The following PCLO variants were observed in gnomAD, a reference collection of about 807,000 sequenced individuals.
PCLO encodes piccolo presynaptic cytomatrix protein.
PCLO carries 82 observed loss-of-function variants against 427.5 expected under a neutral mutation model. The ratio of observed to expected loss-of-function variants is 0.19; its 90% confidence interval spans 0.16 to 0.23. The LOEUF (loss-of-function observed/expected upper bound fraction) is 0.23. Ranked by LOEUF, PCLO falls within the 10% of genes least tolerant of loss-of-function variation. The pLI, the probability that PCLO is intolerant of heterozygous loss-of-function variation, is 1.00. For synonymous variants in PCLO, 2,357 were observed against 2,155.4 expected (o/e 1.09, Z -2.59); for missense variants, 6,239 against 6,115.9 (o/e 1.02, Z -0.67).
intron 4 of PCLO, among the ~76,000 whole-genome samples, chr7:82,958,441 T>A (rs1584221906): frequency 2.6e-5 from 4 of 151,424 alleles, no homozygotes; most frequent in Admixed American, 6.6e-5. Context: ...CAAATATAAA[T>A]ATTGTTGGCT....
Position 82,955,878 on chromosome 7 carries a change from T to C in PCLO, c.5075A>G (p.Tyr1692Cys). 3.1e-6 allele frequency: 5 copies of C among 1,613,928 alleles called. No individual in the cohort carries two copies. The highest frequency in any genetic ancestry group is 4.2e-6 in the Non-Finnish European group (5 of 1,179,832). Residue 1692 changes from tyrosine (Y) to cysteine (C), a missense_variant, in exon 5 of 25, where the codon TAT becomes TGT. Tyr to Cys is a radical substitution (Grantham distance 194). Around this residue, in one of 5 missense-constraint regions of PCLO, gnomAD observed 4,677 missense variants for 4,468.4 expected, o/e 1.05. Transcript: ENST00000333891. ...TTCCAATTCTGGCTCTTCGTCAAAA[T>C]ACAAACTTGTTTTTTTCTGTGATGA... The part of the protein sequence containing the change: ...AESSQKKTSL[Y>C]FDEEPELEME...
At chr7:82,777,611 G>T (rs952766354) in intron 22 of PCLO, among the ~76,000 whole-genome samples, 1 of 152,066 alleles carries the variant, frequency 6.6e-6, no homozygotes, top group African/African-American at 2.4e-5. Context: ...ACAACTATCT[G>T]ATCTTTGGCA....
intron 22 of PCLO, among the ~76,000 whole-genome samples, chr7:82,787,751 G>A (rs879850925): frequency 3.3e-5 from 5 of 151,746 alleles, no homozygotes; most frequent in Admixed American, 6.6e-5. Flanking sequence ...ATAAACTCAC[G>A]GCTGACTATT....
intron 9 of PCLO, among the ~76,000 whole-genome samples, chr7:82,891,872 G>T (rs1380477999): frequency 6.6e-6 from 1 of 152,012 alleles, no homozygotes; most frequent in Non-Finnish European, 1.5e-5. Flanking sequence ...GGATGTGAAG[G>T]ACCTCTTCAA....
At position 82,914,670 on chromosome 7, in the gene PCLO, T is replaced by A. The variant is rs74356794; in HGVS notation, c.13300+16A>T. The A allele has an allele frequency of 6.2e-7, 1 of 1,611,666 alleles. No individual in the cohort carries two copies. The highest frequency in any genetic ancestry group is 1.3e-5 in the African/African-American group (1 of 74,990). On this transcript the variant is annotated intron_variant, in intron 7 of 24. Coordinates refer to ENST00000333891, the MANE Select transcript of PCLO (RefSeq NM_033026.6). The stretch of plus-strand genomic sequence containing the variant: ...TGAGTTTTGAGAGTAACAGGGTAGT[T>A]TGAGGCCCAATTTACCTTCACTGTC...
At chr7:82,786,687 C>T (rs1188612640) in intron 22 of PCLO, among the ~76,000 whole-genome samples, 3 of 152,092 alleles carry the variant, frequency 2.0e-5, no homozygotes, top group African/African-American at 4.8e-5. Context: ...GTTTGCTGCA[C>T]TCATCAACCT....
chr7:82,856,504 G>T (rs930931367), intron 10 of PCLO, among the ~76,000 whole-genome samples: 4 of 152,062 alleles, frequency 2.6e-5, no homozygotes, highest in African/African-American at 9.7e-5. Flanking sequence ...CATTCTATGT[G>T]TTATTTGGAA....
chr7:82,969,506 G>A (rs1795855096), intron 3 of PCLO, among the ~76,000 whole-genome samples: 3 of 151,932 alleles, frequency 2.0e-5, no homozygotes, highest in Admixed American at 2.0e-4. Flanking sequence ...ACATAATGTT[G>A]CTATACCCAG....
Position 82,756,396 on chromosome 7 carries a change from C to A in PCLO, c.*2179G>T, listed in dbSNP as rs954505062. ...TAGCAATATAATGTCTTTGATGATT[C>A]CACTCTCCCATGCTCATTTGAGAGC... On this transcript the variant is annotated 3_prime_UTR_variant, in exon 25 of 25. Transcript: ENST00000333891. The A allele has an allele frequency of 5.9e-5, 9 of 151,928 alleles. No homozygotes were observed. Among genetic ancestry groups the A allele is most frequent in the African/African-American group, 1.9e-4 (8 of 41,372 alleles). 9.4% of individuals were successfully genotyped at this position (151,928 alleles called of 1,614,324 possible).
At chr7:82,774,885 G>A (rs77161374) in intron 22 of PCLO, among the ~76,000 whole-genome samples, 2,480 of 152,236 alleles carry the variant, frequency 0.016, 82 homozygotes, top group African/African-American at 0.056. Flanking sequence ...AGTCTTCTGT[G>A]TTCTGCCTAT....
At chr7:82,876,853 A>T (rs1052569973) in intron 10 of PCLO, among the ~76,000 whole-genome samples, 7 of 152,176 alleles carry the variant, frequency 4.6e-5, no homozygotes, top group African/African-American at 1.7e-4. Flanking sequence ...GATTTGGATT[A>T]TACAAGAACT....
In PCLO at chr7:82,956,566, T is replaced by C. The variant is rs1014415768; in HGVS notation, c.4387A>G (p.Ile1463Val). ...QSLSETLEIT[I>V]SEEEIKESQE... ...CTCTCTTTGATCTCCTCTTCTGAAA[T>C]AGTAATTTCCAAGGTTTCAGATAAA... Residue 1463 changes from isoleucine (I) to valine (V), a missense_variant, in exon 5 of 25, where the codon ATT (isoleucine) becomes GTT (valine). Around this residue, in one of 5 missense-constraint regions of PCLO, gnomAD observed 4,677 missense variants for 4,468.4 expected, o/e 1.05. Coordinates refer to ENST00000333891, the MANE Select transcript of PCLO (RefSeq NM_033026.6). 3.7e-6 allele frequency: 6 copies of C among 1,612,584 alleles called. No individual in the cohort carries two copies. The highest frequency in any genetic ancestry group is 5.1e-6 in the Non-Finnish European group (6 of 1,179,502).
intron 2 of PCLO, among the ~76,000 whole-genome samples, chr7:83,146,305 T>C (rs1356460584): frequency 6.6e-6 from 1 of 152,226 alleles, no homozygotes; most frequent in Non-Finnish European, 1.5e-5. Flanking sequence ...GAACCCATAT[T>C]GTTTGACACC....
At chr7:82,917,023 G>A (rs1794484845) in intron 6 of PCLO, 150 bp from the exon 7 acceptor site, 1 of 534,978 alleles carries the variant, frequency 1.9e-6, no homozygotes, top group Non-Finnish European at 3.1e-6. Context: ...ATAATTTCAA[G>A]TATTGGTCAC....
intron 3 of PCLO, among the ~76,000 whole-genome samples, chr7:83,089,156 C>G (rs1269290691): frequency 6.6e-6 from 1 of 152,146 alleles, no homozygotes; most frequent in East Asian, 1.9e-4. Flanking sequence ...TACATACATA[C>G]ATACACACAT....
At chr7:82,963,535 C>CT (rs1222792083) in intron 4 of PCLO, among the ~76,000 whole-genome samples, 3 of 151,888 alleles carry the variant, frequency 2.0e-5, no homozygotes, top group Admixed American at 2.0e-4. Flanking sequence ...TTTTAATTAT[C>CT]TTTTTTTCCT....
At chr7:83,047,485 A>C (rs2116242828) in intron 3 of PCLO, among the ~76,000 whole-genome samples, 1 of 152,170 alleles carries the variant, frequency 6.6e-6, no homozygotes, top group South Asian at 2.1e-4. Flanking sequence ...ATTTTACATT[A>C]TCATAGTCAA....
At chr7:82,983,975 A>ATGG (rs1200940913) in intron 3 of PCLO, among the ~76,000 whole-genome samples, 1 of 151,944 alleles carries the variant, frequency 6.6e-6, no homozygotes, top group Non-Finnish European at 1.5e-5. Context: ...GAAAGAGCTG[A>ATGG]ATTCAGCTTC....
chr7:82,774,996 A>G (rs1790719621), intron 22 of PCLO, among the ~76,000 whole-genome samples: 1 of 152,132 alleles, frequency 6.6e-6, no homozygotes, highest in Non-Finnish European at 1.5e-5. Context: ...CGAAGTAGAT[A>G]TAGATTTTTT....
Sources: allele counts gnomAD v4.1 joint callset (sites outside exome capture counted in the v4.1 genomes callset), GRCh38; gene constraint gnomAD v4.1.1; regional missense constraint gnomAD v4.1.1; transcripts MANE v1.5; gene names NCBI Gene and HGNC (gene_info 2026-07-23, HGNC 2026-07-21).